Variants in AGMO observed in about 807,000 individuals in gnomAD.
AGMO encodes alkylglycerol monooxygenase, also known as glyceryl-ether monooxygenase.
AGMO carries 75 observed loss-of-function variants against 60.2 expected under a neutral mutation model. The ratio of observed to expected loss-of-function variants is 1.25; its 90% CI spans 1.03 to 1.51. The LOEUF is 1.51. AGMO is among the 40% of genes most tolerant of loss of function. The pLI is 0.00. For missense variants in AGMO, 763 were observed against 525.5 expected, an observed-to-expected ratio of 1.45 and a Z score of -4.42; for synonymous variants, 261 against 177.1, an observed-to-expected ratio of 1.47 and a Z score of -3.76.
the AGMO span, among the ~76,000 whole-genome samples, chr7:15,152,460 C>T: frequency 6.6e-6 from 1 of 151,948 alleles, no homozygotes; most frequent in African/African-American, 2.4e-5. Flanking sequence ...CACATTGTAC[C>T]CAGTGCGTAG....
chr7:15,507,051 A>T (rs747501483), intron 3 of AGMO, among the ~76,000 whole-genome samples: 11 of 152,072 alleles, frequency 7.2e-5, no homozygotes, highest in Non-Finnish European at 1.3e-4. Context: ...TTTTTTAAAA[A>T]AGAAACAAAG....
chr7:15,291,773 C>A (rs1784270438), intron 12 of AGMO, among the ~76,000 whole-genome samples: 1 of 152,098 alleles, frequency 6.6e-6, no homozygotes, highest in Non-Finnish European at 1.5e-5. Flanking sequence ...GGACAAATGC[C>A]AAGAAGCTAG....
intron 12 of AGMO, among the ~76,000 whole-genome samples, chr7:15,235,521 G>C (rs1385784723): frequency 6.6e-6 from 1 of 152,100 alleles, no homozygotes; most frequent in Non-Finnish European, 1.5e-5. Context: ...ATTGGATGCT[G>C]TTCATAGACG....
intron 12 of AGMO, among the ~76,000 whole-genome samples, chr7:15,307,759 AAACT>A (rs1490471010): frequency 6.6e-6 from 1 of 152,054 alleles, no homozygotes; most frequent in African/African-American, 2.4e-5. Context: ...GCCCACAAAC[AAACT>A]CAGTATCTCT....
chr7:15,490,594 T>C (rs1440813028), intron 3 of AGMO, among the ~76,000 whole-genome samples: 2 of 152,174 alleles, frequency 1.3e-5, no homozygotes, highest in East Asian at 3.8e-4. Context: ...ATGGATCTTT[T>C]TTCATATAAT....
intron 12 of AGMO, among the ~76,000 whole-genome samples, chr7:15,353,544 C>A (rs773335989): frequency 1.3e-5 from 2 of 152,022 alleles, no homozygotes; most frequent in South Asian, 4.1e-4. Flanking sequence ...AACAAAACTA[C>A]TCAACTAAAA....
intron 12 of AGMO, among the ~76,000 whole-genome samples, chr7:15,217,661 A>G (rs1487119073): frequency 6.6e-6 from 1 of 152,078 alleles, no homozygotes; most frequent in Non-Finnish European, 1.5e-5. Flanking sequence ...TGGCAAATAA[A>G]ACTAATCACT....
intron 5 of AGMO, among the ~76,000 whole-genome samples, chr7:15,399,122 C>G (rs1163501061): frequency 6.6e-6 from 1 of 152,032 alleles, no homozygotes; most frequent in African/African-American, 2.4e-5. Flanking sequence ...CTCCTTTGGT[C>G]TCTGAAGCAA....
chr7:15,549,377 G>C (rs1259667895), intron 2 of AGMO, among the ~76,000 whole-genome samples: 1 of 152,030 alleles, frequency 6.6e-6, no homozygotes, highest in Non-Finnish European at 1.5e-5. Flanking sequence ...CTGGCAAATT[G>C]GATAAAGAGT....
chr7:15,335,640 C>G (rs1781635682), intron 12 of AGMO, among the ~76,000 whole-genome samples: 2 of 152,132 alleles, frequency 1.3e-5, no homozygotes, highest in Non-Finnish European at 2.9e-5. Flanking sequence ...AGGCCACTGC[C>G]AAATGACTTG....
At chr7:15,354,423 C>CACGCGTAT (rs1782409665) in intron 12 of AGMO, among the ~76,000 whole-genome samples, 1 of 27,462 alleles carries the variant, frequency 3.6e-5, no homozygotes, top group Non-Finnish European at 5.7e-5. Flanking sequence ...TGTGTGTATA[C>CACGCGTAT]ACACACGTGT....
chr7:15,503,417 G>C (rs1037617774), intron 3 of AGMO, among the ~76,000 whole-genome samples: 1 of 151,938 alleles, frequency 6.6e-6, no homozygotes, highest in Admixed American at 6.6e-5. Context: ...GAATAGGCTT[G>C]CTTATTTTTA....
intron 12 of AGMO, among the ~76,000 whole-genome samples, chr7:15,323,167 G>A (rs1781234754): frequency 6.6e-6 from 1 of 151,864 alleles, no homozygotes. Context: ...ATAAAGAGAT[G>A]ATAAGCGAAT....
intron 3 of AGMO, among the ~76,000 whole-genome samples, chr7:15,488,952 C>T (rs1782994965): frequency 6.6e-6 from 1 of 152,092 alleles, no homozygotes; most frequent in Non-Finnish European, 1.5e-5. Context: ...GTTGGGATTT[C>T]TCTTCAAACT....
At chr7:15,263,053 T>A (rs1282288687) in intron 12 of AGMO, among the ~76,000 whole-genome samples, 1 of 151,822 alleles carries the variant, frequency 6.6e-6, no homozygotes, top group Admixed American at 6.6e-5. Context: ...CAAAAGCAAA[T>A]GCAACAAAAA....
the AGMO span, among the ~76,000 whole-genome samples, chr7:15,172,796 G>A: frequency 1.8e-4 from 28 of 152,146 alleles, no homozygotes; most frequent in Non-Finnish European, 3.2e-4. Context: ...GAAGTTGAGC[G>A]TCGCGGAGAC....
At chr7:15,544,995 T>TCTAA in intron 2 of AGMO, 72 bp from the exon 3 acceptor site, 1 of 1,100,032 alleles carries the variant, frequency 9.1e-7, no homozygotes, top group Non-Finnish European at 1.2e-6. Context: ...ATGTTTTAGA[T>TCTAA]AACATTTAAA....
chr7:15,200,125 T>C (rs78802328), downstream of AGMO, among the ~76,000 whole-genome samples: 19,495 of 151,970 alleles, frequency 0.13, 1,571 homozygotes, highest in East Asian at 0.34. Flanking sequence ...ATTTAAATTA[T>C]TAAATTTTAT....
intron 12 of AGMO, among the ~76,000 whole-genome samples, chr7:15,303,158 A>C (rs1780501051): frequency 6.6e-6 from 1 of 152,144 alleles, no homozygotes; most frequent in Non-Finnish European, 1.5e-5. Flanking sequence ...AGATGATATT[A>C]AGATGGCGGC....
Sources: gnomAD v4.1 joint callset for allele counts (sites outside exome capture counted in the v4.1 genomes callset) on GRCh38, gnomAD v4.1.1 for gene constraint, MANE v1.5 for transcripts, NCBI Gene and HGNC (gene_info 2026-07-23, HGNC 2026-07-21) for gene names.